Variants in TMEM255A observed in about 807,000 individuals in gnomAD.
TMEM255A encodes transmembrane protein 255A.
In TMEM255A, 14 loss-of-function variants were observed where a neutral mutation model predicts 23.5. The observed-to-expected ratio is 0.60, with a 90% CI of 0.39 to 0.93. The LOEUF (loss-of-function observed/expected upper bound fraction) is 0.93, where lower values mean the gene tolerates loss of function less well. TMEM255A is among the 40% of genes least tolerant of loss of function. The pLI is 0.00. For missense variants in TMEM255A, 233 were observed against 261.7 expected, an observed-to-expected ratio of 0.89 and a Z score of 0.76; for synonymous variants, 104 against 100.3, an observed-to-expected ratio of 1.04 and a Z score of -0.22.
intron 7 of TMEM255A, among the ~76,000 whole-genome samples, chrX:120,271,705 G>C (rs1468505722): frequency 1.8e-5 from 2 of 109,552 alleles, no homozygotes; most frequent in African/African-American, 6.7e-5. Flanking sequence ...ACTTATACTA[G>C]ATATAAAAAT....
In TMEM255A at chrX:120,287,199, G is replaced by T. The variant is rs2057882045; in HGVS notation, c.378C>A (p.Asn126Lys). The T allele has an allele frequency of 1.7e-6, 2 of 1,210,600 alleles. No individual in the cohort carries two copies. Among genetic ancestry groups the T allele is most frequent in the Non-Finnish European group, 2.2e-6 (2 of 894,867 alleles). ...RHIDLKPLYA[N>K]RCHYVPKTSQ... ...ATGTCTTGGGAACATAATGGCACCGGTTAGCGTAGAGTGGTTTCAGATCCT... is the reference window on the plus strand; with the variant it reads ...ATGTCTTGGGAACATAATGGCACCGTTTAGCGTAGAGTGGTTTCAGATCCT... Residue 126 changes from asparagine to lysine, a missense_variant, in exon 5 of 9, where the codon AAC becomes AAA. Coordinates refer to ENST00000371369, the MANE Select transcript of TMEM255A (RefSeq NM_001104544.3).
intron 6 of TMEM255A, among the ~76,000 whole-genome samples, chrX:120,281,026 G>A (rs1283119643): frequency 8.9e-6 from 1 of 112,184 alleles, no homozygotes; most frequent in Non-Finnish European, 1.9e-5. Flanking sequence ...CAATAATTCA[G>A]TTATTTATTT....
At chrX:120,291,388 C>T in intron 3 of TMEM255A, 48 bp from the exon 4 acceptor site, 1 of 1,062,424 alleles carries the variant, frequency 9.4e-7, no homozygotes, top group Non-Finnish European at 1.3e-6. Context: ...TTCGCACTTG[C>T]TGCCTCTGGG....
chrX:120,262,911 G>C (rs1362290442), intron 8 of TMEM255A, among the ~76,000 whole-genome samples: 1 of 112,216 alleles, frequency 8.9e-6, no homozygotes, highest in Non-Finnish European at 1.9e-5. Flanking sequence ...TCTGTGGGCA[G>C]CAGCTGCTGT....
At chrX:120,269,741 G>A (rs781840419) in intron 7 of TMEM255A, among the ~76,000 whole-genome samples, 2 of 111,561 alleles carry the variant, frequency 1.8e-5, no homozygotes, top group East Asian at 5.6e-4. Context: ...TCCAAGGGCT[G>A]GCTTGCTTTA....
At chrX:120,310,546 C>G (rs191764376) in intron 1 of TMEM255A, among the ~76,000 whole-genome samples, 21 of 112,182 alleles carry the variant, frequency 1.9e-4, no homozygotes, top group African/African-American at 6.8e-4. Flanking sequence ...GCCCCTGACT[C>G]CCTTTTCACA....
Position 120,304,368 on chromosome X carries a change from C to T in TMEM255A, c.182G>A (p.Gly61Asp). The T allele has an allele frequency of 8.3e-7, 1 of 1,210,812 alleles. No individual in the cohort carries two copies. Among genetic ancestry groups the T allele is most frequent in the Non-Finnish European group, 1.1e-6 (1 of 895,066 alleles). ...ACTTACAATAACTCCGGGGTAATAACCTCCTACAGTCACATTCTGGGTCCT... is the reference window on the plus strand; with the variant it reads ...ACTTACAATAACTCCGGGGTAATAATCTCCTACAGTCACATTCTGGGTCCT... ...TTRTQNVTVG[G>D]YYPGVILGFG... Residue 61 changes from glycine (G) to aspartate (D), a missense_variant, in exon 2 of 9, where the codon GGT (glycine) becomes GAT (aspartate). Gly to Asp is a moderately conservative substitution (Grantham distance 94, BLOSUM62 -1). Coordinates refer to ENST00000371369, the MANE Select transcript of TMEM255A (RefSeq NM_001104544.3).
intron 7 of TMEM255A, among the ~76,000 whole-genome samples, chrX:120,268,878 A>G (rs1312029644): frequency 8.9e-6 from 1 of 112,354 alleles, no homozygotes; most frequent in Non-Finnish European, 1.9e-5. Flanking sequence ...AAAAAGAAAA[A>G]ATAAGACTCA....
intron 2 of TMEM255A, among the ~76,000 whole-genome samples, chrX:120,294,935 T>C (rs1204672913): frequency 2.7e-5 from 3 of 111,988 alleles, no homozygotes; most frequent in East Asian, 2.8e-4. Flanking sequence ...TTAGCACTTA[T>C]TCACCCCTTC....
chrX:120,277,814 G>A (rs2057809589), intron 6 of TMEM255A, among the ~76,000 whole-genome samples: 1 of 111,783 alleles, frequency 8.9e-6, no homozygotes, highest in South Asian at 3.7e-4. Context: ...CCTGAAAGTC[G>A]CCTCCGTGGG....
chrX:120,284,321 G>T (rs782346906), intron 6 of TMEM255A, among the ~76,000 whole-genome samples: 15 of 112,277 alleles, frequency 1.3e-4, no homozygotes, highest in Non-Finnish European at 2.3e-4. Context: ...CACAGAGCCA[G>T]AGTGGCTGTA....
intron 8 of TMEM255A, among the ~76,000 whole-genome samples, chrX:120,262,392 G>A (rs1733723592): frequency 9.0e-6 from 1 of 111,640 alleles, no homozygotes; most frequent in African/African-American, 3.3e-5. Flanking sequence ...ACTGAGAAGA[G>A]ATGCTAGCTG....
chrX:120,290,257 T>C (rs2057905850), intron 4 of TMEM255A, among the ~76,000 whole-genome samples: 1 of 112,194 alleles, frequency 8.9e-6, no homozygotes, highest in Non-Finnish European at 1.9e-5. Flanking sequence ...GGAAGCCATT[T>C]TAGCTCATGC....
chrX:120,305,718 C>T (rs1241875788), intron 1 of TMEM255A, among the ~76,000 whole-genome samples: 2 of 110,018 alleles, frequency 1.8e-5, no homozygotes, highest in African/African-American at 6.6e-5. Flanking sequence ...GGAAGGGGGA[C>T]GAGGTCAAGG....
intron 7 of TMEM255A, 30 bp from the exon 8 acceptor site, chrX:120,268,417 TAAAC>T (rs782115446): frequency 9.8e-6 from 11 of 1,121,986 alleles, no homozygotes; most frequent in Non-Finnish European, 1.3e-5. Flanking sequence ...AGAAACAACA[TAAAC>T]AGTCATCACT....
At chrX:120,261,663 C>A (rs975862071) in intron 8 of TMEM255A, among the ~76,000 whole-genome samples, 10 of 112,185 alleles carry the variant, frequency 8.9e-5, no homozygotes, top group Non-Finnish European at 1.9e-4. Context: ...GTAACAAAGG[C>A]ATGGAGGTGA....
chrX:120,305,738 G>A (rs139196142), intron 1 of TMEM255A, among the ~76,000 whole-genome samples: 585 of 111,163 alleles, frequency 5.3e-3, no homozygotes, highest in Non-Finnish European at 8.2e-3. Flanking sequence ...GAAACGAAGC[G>A]AGACCCAGGA....
intron 8 of TMEM255A, among the ~76,000 whole-genome samples, chrX:120,264,516 G>C (rs782635382): frequency 9.0e-6 from 1 of 111,080 alleles, no homozygotes; most frequent in South Asian, 3.8e-4. Flanking sequence ...TTCCTCACTG[G>C]ACAGCTACCC....
chrX:120,259,729 G>A lies in TMEM255A; in HGVS notation c.*1141C>T, dbSNP rs782276470. 2 of 112,225 alleles carry A rather than the reference G, an allele frequency of 1.8e-5. No individual in the cohort carries two copies. Among genetic ancestry groups the A allele is most frequent in the East Asian group, 5.6e-4 (2 of 3,602 alleles). 9.2% of individuals were successfully genotyped at this position (112,225 alleles called of 1,213,427 possible). ...AAAGCTATGTGTAATTAAAAGAACT[G>A]TACAAATACCTACCACGGTGTGCCA... On this transcript the variant is annotated 3_prime_UTR_variant, in exon 9 of 9. Transcript: ENST00000371369.
Sources: gnomAD v4.1 joint callset for allele counts (sites outside exome capture counted in the v4.1 genomes callset) on GRCh38, gnomAD v4.1.1 for gene constraint, MANE v1.5 for transcripts, NCBI Gene and HGNC (gene_info 2026-07-23, HGNC 2026-07-21) for gene names.